TIAM1: variants seen among roughly 807,000 people sequenced by gnomAD.
The protein encoded by TIAM1 is TIAM Rac1 associated GEF 1, also known as rho guanine nucleotide exchange factor TIAM1.
A neutral mutation model predicts 163.5 loss-of-function variants in TIAM1; 65 were observed. The observed-to-expected ratio is 0.40, with a 90% confidence interval of 0.33 to 0.49. TIAM1 has a LOEUF of 0.49. Ranked by LOEUF, TIAM1 falls within the 20% of genes least tolerant of loss-of-function variation. TIAM1 has a pLI of 0.77. For synonymous variants in TIAM1, 833 were observed against 810.1 expected, an observed-to-expected ratio of 1.03 and a Z score of -0.48; for missense variants, 1,789 against 2,044.7, an observed-to-expected ratio of 0.87 and a Z score of 2.41.
intron 3 of TIAM1, among the ~76,000 whole-genome samples, chr21:31,268,004 C>T (rs866419213): frequency 3.9e-5 from 6 of 152,134 alleles, no homozygotes; most frequent in Admixed American, 2.0e-4. Flanking sequence ...CTTCAAAGCT[C>T]GACAACTGTG....
intron 2 of TIAM1, among the ~76,000 whole-genome samples, chr21:31,365,172 G>A (rs988077094): frequency 1.3e-5 from 2 of 152,146 alleles, no homozygotes; most frequent in East Asian, 1.9e-4. Context: ...CTCCAAACAC[G>A]CCAGTCACTC....
chr21:31,349,203 G>C (rs2076195948), upstream of TIAM1, among the ~76,000 whole-genome samples: 1 of 152,144 alleles, frequency 6.6e-6, no homozygotes, highest in Non-Finnish European at 1.5e-5. Flanking sequence ...CCTTACAGAA[G>C]AACAACTTTC....
chr21:31,471,910 G>A (rs2045756235), intron 1 of TIAM1, among the ~76,000 whole-genome samples: 1 of 145,848 alleles, frequency 6.9e-6, no homozygotes, highest in South Asian at 2.1e-4. Flanking sequence ...TAAAGGGAGT[G>A]GCAAGCCAGC....
intron 2 of TIAM1, among the ~76,000 whole-genome samples, chr21:31,448,602 T>C (rs1321103884): frequency 9.1e-6 from 1 of 109,864 alleles, no homozygotes; most frequent in Non-Finnish European, 1.8e-5. Flanking sequence ...AGAGACTCCA[T>C]CTCAATTAAA....
chr21:31,496,949 C>G (rs2046682076), intron 1 of TIAM1, among the ~76,000 whole-genome samples: 1 of 152,202 alleles, frequency 6.6e-6, no homozygotes, highest in African/African-American at 2.4e-5. Flanking sequence ...GAGCACGCAA[C>G]CTACATCCCT....
Position 31,354,050 on chromosome 21 carries a change from C to T in TIAM1, c.-368-14628G>A, listed in dbSNP as rs532565013. Among the ~76,000 whole-genome samples, 334 of 151,814 alleles carry T rather than the reference C, an allele frequency of 2.2e-3. 1 individual carries two copies. The highest frequency in any genetic ancestry group is 3.7e-3 in the Non-Finnish European group (251 of 67,894). ...ATGGGATTTCACCATGTTGGCCAGGCTGGTCTCGAACACCCGACCTCACAC... is the reference window on the plus strand; with the variant it reads ...ATGGGATTTCACCATGTTGGCCAGGTTGGTCTCGAACACCCGACCTCACAC... On this transcript the variant is annotated intron_variant, in intron 2 of 28. Coordinates refer to the TIAM1 transcript ENST00000286827.
chr21:31,452,393 C>T (rs887838963), intron 2 of TIAM1: 1 of 256,378 alleles, frequency 3.9e-6, no homozygotes, highest in Non-Finnish European at 7.4e-6. Context: ...GAGCCAAGAT[C>T]GCACTCCGGC....
chr21:31,426,800 G>A (rs1407048771), intron 2 of TIAM1, among the ~76,000 whole-genome samples: 1 of 152,094 alleles, frequency 6.6e-6, no homozygotes, highest in Non-Finnish European at 1.5e-5. Context: ...AATTTGTAAG[G>A]CCCAGAGCCT....
Position 31,542,295 on chromosome 21 carries a change from T to C in TIAM1, c.-422+16632A>G, listed in dbSNP as rs1268624378. On this transcript the variant is annotated intron_variant, in intron 1 of 28. Transcript: ENST00000286827. ...AAAAAAAATTAGCCGGGCGTGGTGG[T>C]GTGTGCCTGTATTCCCAGCTTCTGG... Among the ~76,000 whole-genome samples the C allele has an allele frequency of 2.6e-5, 4 of 151,764 alleles. No individual in the cohort carries two copies. In the East Asian group the frequency reaches 5.8e-4, roughly 22 times the overall value.
intron 15 of TIAM1, among the ~76,000 whole-genome samples, chr21:31,174,503 A>G (rs1414026142): frequency 6.6e-6 from 1 of 152,138 alleles, no homozygotes; most frequent in African/African-American, 2.4e-5. Flanking sequence ...CGCTGGCCCT[A>G]ATTGCCTTTA....
At chr21:31,517,048 C>CAAAAAAAAAAAAAAAA (rs747446437) in intron 1 of TIAM1, among the ~76,000 whole-genome samples, 1 of 65,390 alleles carries the variant, frequency 1.5e-5, no homozygotes. Flanking sequence ...GACTCTGTCT[C>CAAAAAAAAAAAAAAAA]AAAAAAAAAA....
At chr21:31,436,151 C>A (rs974831921) in intron 2 of TIAM1, among the ~76,000 whole-genome samples, 4 of 152,174 alleles carry the variant, frequency 2.6e-5, no homozygotes, top group African/African-American at 9.7e-5. Flanking sequence ...CCTACAGCAA[C>A]ACTTACTGCA....
chr21:31,438,153 T>C (rs1368794527), intron 2 of TIAM1, among the ~76,000 whole-genome samples: 1 of 143,794 alleles, frequency 7.0e-6, no homozygotes, highest in Non-Finnish European at 1.5e-5. Flanking sequence ...AGGCCACACA[T>C]ACATATGTAA....
At chr21:31,525,894 C>T (rs2047763464) in intron 1 of TIAM1, among the ~76,000 whole-genome samples, 1 of 151,880 alleles carries the variant, frequency 6.6e-6, no homozygotes, top group African/African-American at 2.4e-5. Flanking sequence ...ATTAGCTGGG[C>T]TTGGTGGCGG....
At chr21:31,210,588 AAG>A (rs1555890875) in intron 10 of TIAM1, among the ~76,000 whole-genome samples, 4 of 114,228 alleles carry the variant, frequency 3.5e-5, no homozygotes, top group East Asian at 2.9e-4. Flanking sequence ...GAAAGAAAGA[AAG>A]AAAGAGAGAA....
rs532421842 is a variant in TIAM1 at position 31,234,435 on chromosome 21, TA to T, written c.1585-8486del. Among the ~76,000 whole-genome samples, 251 of 149,786 alleles carry T rather than the reference TA, an allele frequency of 1.7e-3. 2 individuals are homozygous for T. The highest frequency in any genetic ancestry group is 4.3e-3 in the African/African-American group (174 of 40,684). ...GGGAGAGAAAGCTTCTTTTAGGAAT[TA>T]AAAAAAAATAACCAAAATTAAAATG... On this transcript the variant is annotated intron_variant, in intron 6 of 27. Transcript: ENST00000541036.
intron 1 of TIAM1, among the ~76,000 whole-genome samples, chr21:31,509,294 T>G (rs2047134021): frequency 6.6e-6 from 1 of 152,104 alleles, no homozygotes; most frequent in Non-Finnish European, 1.5e-5. Flanking sequence ...GGATCAGGCA[T>G]GGCATGGGGA....
intron 2 of TIAM1, among the ~76,000 whole-genome samples, chr21:31,405,464 T>C (rs1214150524): frequency 2.6e-5 from 4 of 152,080 alleles, no homozygotes; most frequent in African/African-American, 9.7e-5. Context: ...CCGAGCCCAC[T>C]TCCCCTGTAT....
At chr21:31,554,823 A>AC (rs2048818422) in intron 1 of TIAM1, among the ~76,000 whole-genome samples, 2 of 152,112 alleles carry the variant, frequency 1.3e-5, no homozygotes, top group African/African-American at 4.8e-5. Context: ...GAACCTCTTC[A>AC]CCTAGTGAAA....
Sources: allele counts gnomAD v4.1 joint callset (sites outside exome capture counted in the v4.1 genomes callset), GRCh38; gene constraint gnomAD v4.1.1; transcripts MANE v1.5; gene names NCBI Gene and HGNC (gene_info 2026-07-23, HGNC 2026-07-21).